DSCAM: variants seen among roughly 807,000 people sequenced by gnomAD.
The protein encoded by DSCAM is DS cell adhesion molecule.
A neutral mutation model predicts 217.7 loss-of-function variants in DSCAM; 47 were observed. The ratio of observed to expected loss-of-function variants is 0.22; its 90% confidence interval spans 0.17 to 0.28. The LOEUF is 0.28. DSCAM is among the 10% of genes least tolerant of loss of function. DSCAM has a pLI of 1.00. For missense variants in DSCAM, 2,080 were observed against 2,618.3 expected, an observed-to-expected ratio of 0.79 and a Z score of 4.49; for synonymous variants, 1,056 against 1,015.3, an observed-to-expected ratio of 1.04 and a Z score of -0.76.
At chr21:40,242,149 GTTTT>G (rs376344223) in intron 11 of DSCAM, among the ~76,000 whole-genome samples, 3 of 143,814 alleles carry the variant, frequency 2.1e-5, no homozygotes. Context: ...GAACCTAAAA[GTTTT>G]TTTTTTTTTT....
At chr21:40,339,907 T>C (rs2074472943) in intron 6 of DSCAM, among the ~76,000 whole-genome samples, 2 of 78,458 alleles carry the variant, frequency 2.5e-5, no homozygotes, top group South Asian at 9.6e-4. Flanking sequence ...CACTAGGGAA[T>C]TCTTTACAGG....
At chr21:40,090,004 C>T (rs1024065603) in intron 21 of DSCAM, among the ~76,000 whole-genome samples, 2 of 152,172 alleles carry the variant, frequency 1.3e-5, no homozygotes, top group Non-Finnish European at 2.9e-5. Context: ...TTCCCTGCAA[C>T]GATGGCTTCC....
At chr21:40,814,777 A>T (rs2091866796) in intron 1 of DSCAM, among the ~76,000 whole-genome samples, 1 of 152,248 alleles carries the variant, frequency 6.6e-6, no homozygotes, top group Non-Finnish European at 1.5e-5. Context: ...AGAGGCAAGT[A>T]GGTAATCCAG....
chr21:40,078,261 A>G (rs141951059), intron 26 of DSCAM, among the ~76,000 whole-genome samples: 33 of 152,272 alleles, frequency 2.2e-4, no homozygotes, highest in Admixed American at 1.7e-3. Context: ...ACCATGGAAA[A>G]TTGTTTTTGC....
At position 40,726,189 on chromosome 21, in the gene DSCAM, T is replaced by TGG. The variant is rs998120280; in HGVS notation, c.44-17420_44-17419dup. ...GTATTAAGAAGAGTGTTTAGTCCGT[T>TGG]GGAGAATTTGGGGAATGAATTAGTA... On this transcript the variant is annotated intron_variant, in intron 1 of 32. Transcript: ENST00000400454. 7.9e-5 allele frequency among the ~76,000 whole-genome samples: 12 copies of TGG among 152,168 alleles called. 1 individual carries two copies. The highest frequency in any genetic ancestry group is 1.5e-5 in the Non-Finnish European group (1 of 68,040).
intron 15 of DSCAM, among the ~76,000 whole-genome samples, 167 bp downstream of exon 15, chr21:40,178,760 T>C (rs1284129766): frequency 6.6e-6 from 1 of 152,244 alleles, no homozygotes; most frequent in Admixed American, 6.5e-5. Context: ...CAAAGTAAGA[T>C]GCAGAGCGCT....
chr21:40,078,847 C>A lies in DSCAM; in HGVS notation c.4551G>T (p.Gly1517=), dbSNP rs2089409755. The A allele has an allele frequency of 6.2e-7, 1 of 1,614,210 alleles. No individual in the cohort carries two copies. Among genetic ancestry groups the A allele is most frequent in the African/African-American group, 1.3e-5 (1 of 75,066 alleles). The change falls in exon 26 of 33, where the codon GGG becomes GGT. Residue 1517 remains glycine (G), a synonymous_variant. Coordinates refer to ENST00000400454, the MANE Select transcript of DSCAM (RefSeq NM_001389.5). ...TCTGAGCTGTGGTCCAAACTGTGGT[C>A]CCAAAGGGCCTGTACTCTAGTGTGA... ...TSFTLEYRPF[G]TTVWTTAQRT... is the part of the protein sequence containing the mutation.
chr21:40,660,172 A>G (rs1031749141), intron 3 of DSCAM, among the ~76,000 whole-genome samples: 2 of 152,234 alleles, frequency 1.3e-5, no homozygotes, highest in African/African-American at 4.8e-5. Flanking sequence ...ACAGTTAATG[A>G]GCAGCAGAAA....
chr21:40,165,672 G>T (rs1380900117), intron 16 of DSCAM, among the ~76,000 whole-genome samples: 3 of 152,210 alleles, frequency 2.0e-5, no homozygotes, highest in Admixed American at 6.5e-5. Context: ...TAGATCCTCT[G>T]TGGACAGACA....
chr21:40,570,566 A>G (rs928104347), intron 3 of DSCAM, among the ~76,000 whole-genome samples: 2 of 152,252 alleles, frequency 1.3e-5, no homozygotes, highest in African/African-American at 4.8e-5. Context: ...ACAGAAACAA[A>G]TATGGAAATG....
intron 11 of DSCAM, among the ~76,000 whole-genome samples, chr21:40,275,512 G>C (rs1338116941): frequency 1.3e-5 from 2 of 152,180 alleles, no homozygotes; most frequent in Non-Finnish European, 2.9e-5. Context: ...TTGGTTGCCA[G>C]TTACCAATGT....
chr21:40,563,596 T>TATA (rs2076738692), intron 3 of DSCAM, among the ~76,000 whole-genome samples: 1 of 111,572 alleles, frequency 9.0e-6, no homozygotes, highest in African/African-American at 2.8e-5. Context: ...TATGTTTATA[T>TATA]GTTATATATA....
At chr21:40,374,324 A>G (rs1256245046) in intron 3 of DSCAM, among the ~76,000 whole-genome samples, 5 of 152,264 alleles carry the variant, frequency 3.3e-5, no homozygotes, top group Non-Finnish European at 1.5e-5. Context: ...TGAGCCAGAC[A>G]GGGAAGATCC....
At chr21:40,655,988 G>T (rs1469373657) in intron 3 of DSCAM, among the ~76,000 whole-genome samples, 2 of 152,068 alleles carry the variant, frequency 1.3e-5, no homozygotes, top group African/African-American at 4.8e-5. Flanking sequence ...GGAGGTGGAG[G>T]TTGCAGTGAG....
chr21:40,764,431 AT>A (rs2091367322), intron 1 of DSCAM, among the ~76,000 whole-genome samples: 1 of 152,220 alleles, frequency 6.6e-6, no homozygotes. Context: ...AATGGTGATC[AT>A]TAAGAAGTCT....
intron 16 of DSCAM, among the ~76,000 whole-genome samples, chr21:40,160,375 A>G (rs966284977): frequency 1.3e-5 from 2 of 152,230 alleles, no homozygotes; most frequent in Admixed American, 6.5e-5. Flanking sequence ...TTGGAAATGG[A>G]TTTAACTTAC....
At chr21:40,825,611 C>T (rs953574820) in intron 1 of DSCAM, among the ~76,000 whole-genome samples, 4 of 152,162 alleles carry the variant, frequency 2.6e-5, no homozygotes, top group Non-Finnish European at 4.4e-5. Context: ...GCCACCGTGC[C>T]TGGCCTCAGT....
intron 3 of DSCAM, among the ~76,000 whole-genome samples, chr21:40,590,355 A>G (rs1221769911): frequency 6.6e-6 from 1 of 152,248 alleles, no homozygotes; most frequent in Non-Finnish European, 1.5e-5. Flanking sequence ...GGGCACATTA[A>G]TGAGCCATGG....
At chr21:40,437,670 G>A (rs1569123146) in intron 3 of DSCAM, among the ~76,000 whole-genome samples, 1 of 151,984 alleles carries the variant, frequency 6.6e-6, no homozygotes, top group Non-Finnish European at 1.5e-5. Flanking sequence ...GGCCCACATG[G>A]TGAGACCCCG....
Sources: gnomAD v4.1 joint callset for allele counts (sites outside exome capture counted in the v4.1 genomes callset) on GRCh38, gnomAD v4.1.1 for gene constraint, MANE v1.5 for transcripts, NCBI Gene and HGNC (gene_info 2026-07-23, HGNC 2026-07-21) for gene names.